Variants in CEMIP observed in about 807,000 individuals in gnomAD.
The protein encoded by CEMIP is cell migration-inducing and hyaluronan-binding protein.
A neutral mutation model predicts 156.9 loss-of-function variants in CEMIP; 105 were observed. That is an observed-to-expected ratio of 0.67 (90% CI 0.57 to 0.79). The LOEUF (loss-of-function observed/expected upper bound fraction) is 0.79. CEMIP is among the 30% of genes least tolerant of loss of function. The probability of loss-of-function intolerance (pLI) is 0.00; values close to 1 mark genes in which losing one functional copy is unlikely to be tolerated. For synonymous variants in CEMIP, 676 were observed against 668.4 expected, an observed-to-expected ratio of 1.01 and a Z score of -0.17; for missense variants, 1,457 against 1,769.4, an observed-to-expected ratio of 0.82 and a Z score of 3.17.
intron 1 of CEMIP, among the ~76,000 whole-genome samples, chr15:80,829,999 T>TGC (rs753626316): frequency 0.014 from 2,147 of 149,004 alleles, 39 homozygotes; most frequent in African/African-American, 0.038. Context: ...TGTGTGTGTG[T>TGC]GTGCGCGCAT....
At chr15:80,801,196 C>A (rs1896367097) in intron 1 of CEMIP, among the ~76,000 whole-genome samples, 1 of 152,234 alleles carries the variant, frequency 6.6e-6, no homozygotes, top group South Asian at 2.1e-4. Flanking sequence ...AAACCACCCC[C>A]AAGGCAGTGG....
rs753020519 is a variant in CEMIP, at chr15:80,909,190, C to T, written c.1681C>T (p.Leu561=). 1.9e-6 allele frequency: 3 copies of T among 1,614,066 alleles called. No individual in the cohort carries two copies. The highest frequency in any genetic ancestry group is 2.5e-6 in the Non-Finnish European group (3 of 1,180,044). The change falls in exon 14 of 30, where the codon CTG becomes TTG. Residue 561 remains leucine (L), a synonymous_variant. Transcript: ENST00000394685. ...GGGTCAGTACCCGATTCACTTCCACCTGGCCGGTGATGTAGACGAAAGGGG... is the reference window on the plus strand; with the variant it reads ...GGGTCAGTACCCGATTCACTTCCACTTGGCCGGTGATGTAGACGAAAGGGG... The part of the protein sequence containing the change: ...LVGQYPIHFH[L]AGDVDERGGY...
intron 7 of CEMIP, among the ~76,000 whole-genome samples, chr15:80,886,757 G>A (rs1169462072): frequency 1.3e-5 from 2 of 152,224 alleles, no homozygotes; most frequent in East Asian, 3.9e-4. Flanking sequence ...GTGGAGAGCT[G>A]TGGGAAAATG....
intron 1 of CEMIP, among the ~76,000 whole-genome samples, chr15:80,839,800 C>T (rs375592723): frequency 3.9e-5 from 6 of 152,204 alleles, no homozygotes; most frequent in Admixed American, 2.0e-4. Flanking sequence ...TTCCTTCTGG[C>T]TTTTTATTTG....
At chr15:80,888,616 G>C in intron 8 of CEMIP, 85 bp from the exon 9 acceptor site, 1 of 1,021,754 alleles carries the variant, frequency 9.8e-7, no homozygotes, top group Non-Finnish European at 1.6e-6. Flanking sequence ...GCCCATGTGC[G>C]TAGGGGGGTT....
At chr15:80,812,838 G>A (rs778401706) in intron 1 of CEMIP, among the ~76,000 whole-genome samples, 25 of 152,146 alleles carry the variant, frequency 1.6e-4, no homozygotes, top group African/African-American at 5.6e-4. Context: ...AACACTTAGC[G>A]TAGGCTGGGC....
At chr15:80,884,956 CTTGT>C (rs772761002) in intron 7 of CEMIP, among the ~76,000 whole-genome samples, 2 of 152,104 alleles carry the variant, frequency 1.3e-5, no homozygotes, top group South Asian at 2.1e-4. Flanking sequence ...GCAGGACGTG[CTTGT>C]TTGTTACCTA....
intron 1 of CEMIP, among the ~76,000 whole-genome samples, chr15:80,825,888 A>G (rs1897026598): frequency 6.6e-6 from 1 of 152,178 alleles, no homozygotes; most frequent in Non-Finnish European, 1.5e-5. Context: ...CCGAGGGCAC[A>G]TTTGTCTGTT....
At chr15:80,934,306 T>C (rs550638914) in intron 23 of CEMIP, among the ~76,000 whole-genome samples, 1 of 152,342 alleles carries the variant, frequency 6.6e-6, no homozygotes, top group Non-Finnish European at 1.5e-5. Context: ...TTAAATGAAT[T>C]GAAGTTTAAA....
chr15:80,830,377 C>G lies in CEMIP; in HGVS notation c.-175-43161C>G, dbSNP rs1328869609. Among the ~76,000 whole-genome samples the G allele has an allele frequency of 2.6e-5, 4 of 152,204 alleles. No homozygotes were observed. In the East Asian group the frequency reaches 7.7e-4, roughly 29 times the overall value. ...AGCCTGTATCCACAGTTCTTTGTCT[C>G]TTACAGTGTCAGACTGAGCCCAGGA... On this transcript the variant is annotated intron_variant, in intron 1 of 29. Transcript: ENST00000394685.
intron 1 of CEMIP, among the ~76,000 whole-genome samples, chr15:80,871,225 C>T (rs138137744): frequency 9.9e-5 from 15 of 152,280 alleles, no homozygotes; most frequent in East Asian, 9.7e-4. Flanking sequence ...AAGCCACTCA[C>T]GGACAAGAAG....
At chr15:80,873,807 T>A in intron 2 of CEMIP, 57 bp from the exon 3 acceptor site, 1 of 1,274,232 alleles carries the variant, frequency 7.8e-7, no homozygotes, top group Non-Finnish European at 1.1e-6. Context: ...GTCGGCCCTG[T>A]ATACTGATTC....
chr15:80,902,683 A>G (rs984862760), intron 12 of CEMIP, among the ~76,000 whole-genome samples: 1 of 152,188 alleles, frequency 6.6e-6, no homozygotes, highest in Non-Finnish European at 1.5e-5. Flanking sequence ...AGTCTGATAA[A>G]CACAGTGCCT....
At chr15:80,924,213 G>C (rs1489789909) in intron 17 of CEMIP, among the ~76,000 whole-genome samples, 1 of 152,230 alleles carries the variant, frequency 6.6e-6, no homozygotes, top group Non-Finnish European at 1.5e-5. Context: ...CCAAGGTAAA[G>C]ATGGGACTTA....
At position 80,865,466 on chromosome 15, in the gene CEMIP, C is replaced by A. The variant is rs1374425736; in HGVS notation, c.-175-8072C>A. Among the ~76,000 whole-genome samples, 6 of 152,160 alleles carry A rather than the reference C, an allele frequency of 3.9e-5. No individual in the cohort carries two copies. The East Asian group carries it at 1.2e-3, about 29-fold the overall frequency. On this transcript the variant is annotated intron_variant, in intron 1 of 29. Transcript: ENST00000394685. Reference sequence around the variant, plus strand: ...AAGTGCTGGGATTATAGGCGTGAGCCACCGCGCCCGGCCAAGGAACTAAAT... The same window carrying A: ...AAGTGCTGGGATTATAGGCGTGAGCAACCGCGCCCGGCCAAGGAACTAAAT...
chr15:80,854,230 G>A (rs143826640), intron 1 of CEMIP, among the ~76,000 whole-genome samples: 3 of 152,338 alleles, frequency 2.0e-5, no homozygotes, highest in East Asian at 1.9e-4. Flanking sequence ...TAGGCAACAC[G>A]GCCGACTAGA....
chr15:80,857,300 G>T (rs1444877180), intron 1 of CEMIP, among the ~76,000 whole-genome samples: 1 of 152,200 alleles, frequency 6.6e-6, no homozygotes, highest in African/African-American at 2.4e-5. Context: ...CACAGCAGGT[G>T]CCAACAAATT....
rs762795463 is a variant in CEMIP at position 80,896,002 on chromosome 15, A to C, written c.1353A>C (p.Ala451=). Residue 451 remains alanine (A), a synonymous_variant, in exon 12 of 30, where the codon GCA becomes GCC. Coordinates refer to ENST00000394685, the MANE Select transcript of CEMIP (RefSeq NM_001293298.2). ...IASTDYSMYQ[A]EEFQVLPCRS... ...GTACTGATTACTCCATGTACCAGGC[A>C]GAAGAGTTCCAGGTGCTTCCCTGCA... The C allele has an allele frequency of 3.2e-5, 52 of 1,614,122 alleles. No homozygotes were observed. Among genetic ancestry groups the C allele is most frequent in the Non-Finnish European group, 4.2e-5 (50 of 1,180,054 alleles).
At chr15:80,802,225 C>T (rs1272491207) in intron 1 of CEMIP, among the ~76,000 whole-genome samples, 1 of 152,224 alleles carries the variant, frequency 6.6e-6, no homozygotes, top group Non-Finnish European at 1.5e-5. Context: ...AGGGCTGGCA[C>T]CTGAGAGTGG....
Sources: gnomAD v4.1 joint callset for allele counts (sites outside exome capture counted in the v4.1 genomes callset) on GRCh38, gnomAD v4.1.1 for gene constraint, MANE v1.5 for transcripts, NCBI Gene and HGNC (gene_info 2026-07-23, HGNC 2026-07-21) for gene names.